Variants in CHD4 observed in about 807,000 individuals in gnomAD.
CHD4 encodes the protein ATP-dependent chromatin remodeler CHD4.
A neutral mutation model predicts 235.5 loss-of-function variants in CHD4; 35 were observed. The ratio of observed to expected loss-of-function variants is 0.15; its 90% CI spans 0.11 to 0.20. CHD4 has a LOEUF of 0.20. Ranked by LOEUF, CHD4 falls within the 10% of genes least tolerant of loss-of-function variation. CHD4 has a pLI of 1.00. For missense variants in CHD4, 1,329 were observed against 2,432.3 expected (o/e 0.55, Z 9.54); for synonymous variants, 900 against 850.2 (o/e 1.06, Z -1.02).
intron 29 of CHD4, 21 bp downstream of exon 29, chr12:6,582,594 C>T: frequency 6.3e-7 from 1 of 1,598,906 alleles, no homozygotes; most frequent in Non-Finnish European, 8.5e-7. Context: ...CTAGATCAGT[C>T]CACTCCAGCC....
intron 17 of CHD4, 102 bp from the exon 18 acceptor site, chr12:6,592,919 A>G: frequency 6.6e-7 from 1 of 1,518,194 alleles, no homozygotes; most frequent in Non-Finnish European, 8.9e-7. Flanking sequence ...TAAGCATCCC[A>G]CTCCTCACAT....
intron 38 of CHD4, chr12:6,571,964 AAAAC>A (rs904434452): frequency 1.3e-5 from 2 of 152,514 alleles, no homozygotes; most frequent in South Asian, 2.1e-4. Flanking sequence ...TCCATCTCAA[AAAAC>A]AAACAAAAAA....
intron 3 of CHD4, 32 bp downstream of exon 3, chr12:6,602,344 T>C: frequency 1.2e-6 from 2 of 1,611,172 alleles, no homozygotes; most frequent in Non-Finnish European, 1.7e-6. Flanking sequence ...CTTCTTCCTC[T>C]GATTCCCCGT....
At chr12:6,581,918 T>A (rs1948200090) in intron 30 of CHD4, 104 bp from the exon 31 acceptor site, 2 of 1,379,132 alleles carry the variant, frequency 1.5e-6, no homozygotes, top group Non-Finnish European at 9.7e-7. Flanking sequence ...TTCTCCTGCC[T>A]CAGCCTTCTG....
chr12:6,581,220 C>A (rs780033123), intron 32 of CHD4, 47 bp from the exon 33 acceptor site: 2 of 1,612,664 alleles, frequency 1.2e-6, no homozygotes, highest in Non-Finnish European at 1.7e-6. Context: ...AGCAGACAGG[C>A]CAGCAACTAA....
Position 6,598,017 on chromosome 12 carries a change from C to A in CHD4, c.1769G>T (p.Gly590Val). The A allele has an allele frequency of 6.2e-7, 1 of 1,614,214 alleles. No individual in the cohort carries two copies. Among genetic ancestry groups the A allele is most frequent in the South Asian group, 1.1e-5 (1 of 91,082 alleles). Residue 590 changes from glycine (G) to valine (V), a missense_variant, in exon 12 of 40, where the codon GGT becomes GTT. Gly to Val is a moderately radical substitution (Grantham distance 109, BLOSUM62 -3). This residue lies in a region of CHD4 where 121 missense variants were observed against 177.8 expected (regional missense o/e 0.68). Transcript: ENST00000544040. Reference protein sequence around the residue: ...MDEPPSGDFGGDEEKSRKRKN... With the variant: ...MDEPPSGDFGVDEEKSRKRKN... ...TCGCTTTCGGCTTTTCTCTTCATCACCACCAAAGTCCCCAGAAGGTGGCTC... is the reference window on the plus strand; with the variant it reads ...TCGCTTTCGGCTTTTCTCTTCATCAACACCAAAGTCCCCAGAAGGTGGCTC...
chr12:6,606,185 G>A lies in CHD4; in HGVS notation c.100+89C>T, dbSNP rs78578768. On this transcript the variant is annotated intron_variant, in intron 2 of 39. Transcript: ENST00000544040. Reference sequence around the variant, plus strand: ...CCTCCGGCTCTGCACAGAGACAGCGGAGCAACACAGCCCTGCCTCACCAGA... The same window carrying A: ...CCTCCGGCTCTGCACAGAGACAGCGAAGCAACACAGCCCTGCCTCACCAGA... 766 of 871,892 alleles carry A rather than the reference G, an allele frequency of 8.8e-4. 6 individuals carry two copies. The African/African-American group carries it at 0.012, about 14-fold the overall frequency. The allele number at this position is 871,892 out of a possible 1,614,324, so 54.0% of individuals were successfully genotyped here.
intron 31 of CHD4, 37 bp from the exon 32 acceptor site, chr12:6,581,425 G>A (rs746346870): frequency 1.9e-6 from 3 of 1,592,816 alleles, no homozygotes; most frequent in Non-Finnish European, 2.6e-6. Context: ...TAGGAAGAAG[G>A]TACTAGATCA....
intron 37 of CHD4, among the ~76,000 whole-genome samples, chr12:6,575,934 C>T (rs941469268): frequency 6.6e-6 from 1 of 152,170 alleles, no homozygotes; most frequent in Non-Finnish European, 1.5e-5. Context: ...GTTCAGATAC[C>T]CTTCTGTTTC....
At chr12:6,600,805 T>C (rs1049330586) in intron 7 of CHD4, 121 bp downstream of exon 7, 9 of 1,507,838 alleles carry the variant, frequency 6.0e-6, no homozygotes, top group South Asian at 1.3e-5. Context: ...AGTCTCATCT[T>C]GTTCTGTGGG....
In CHD4 at chr12:6,591,675, C is replaced by T; in HGVS notation, c.3222+19G>A. The stretch of plus-strand genomic sequence containing the variant: ...GGTTGTCTATGACTGTTCCCTAAAG[C>T]TCCCAGTCCACATGATACCTGGGAA... On this transcript the variant is annotated intron_variant, in intron 21 of 39. Transcript: ENST00000544040. 6.2e-7 allele frequency: 1 copy of T among 1,614,170 alleles called. No homozygotes were observed.
intron 34 of CHD4, 73 bp from the exon 35 acceptor site, chr12:6,578,619 T>C (rs1407899557): frequency 1.3e-6 from 2 of 1,598,294 alleles, no homozygotes; most frequent in African/African-American, 1.3e-5. Flanking sequence ...CAGAACACTG[T>C]ATGCTACAAG....
chr12:6,591,252 T>G (rs1173862879), intron 22 of CHD4: 1 of 512,734 alleles, frequency 2.0e-6, no homozygotes, highest in Non-Finnish European at 3.4e-6. Context: ...CAATGCTTTC[T>G]TCTTTCTAGC....
chr12:6,570,385 AACAGTTTGTGTG>A lies in CHD4; in HGVS notation c.*279_*290del, dbSNP rs1454380601. On this transcript the variant is annotated 3_prime_UTR_variant, in exon 40 of 40. Coordinates refer to ENST00000544040, the MANE Select transcript of CHD4 (RefSeq NM_001273.5). The stretch of plus-strand genomic sequence containing the variant: ...TTCTTCAAGCCTGGCAGGAACCCAC[AACAGTTTGTGTG>A]TAACAGGCGTTACAGTGGGGAGAAG... 3 of 459,384 alleles carry A rather than the reference AACAGTTTGTGTG, an allele frequency of 6.5e-6. No homozygotes were observed. The highest frequency in any genetic ancestry group is 7.7e-6 in the Non-Finnish European group (2 of 258,206). 28.5% of individuals were successfully genotyped at this position (459,384 alleles called of 1,614,324 possible).
In CHD4 at chr12:6,601,779, C is replaced by T; in HGVS notation, c.439-13G>A. The T allele has an allele frequency of 1.9e-6, 3 of 1,610,762 alleles. No homozygotes were observed. Among genetic ancestry groups the T allele is most frequent in the Non-Finnish European group, 2.5e-6 (3 of 1,177,070 alleles). On this transcript the variant is annotated splice_polypyrimidine_tract_variant and intron_variant, in intron 4 of 39. Coordinates refer to ENST00000544040, the MANE Select transcript of CHD4 (RefSeq NM_001273.5). The stretch of plus-strand genomic sequence containing the variant: ...ATGATTTAGGCTCCTGCAGAAAGAG[C>T]AAAGTCAAGTAAGTACCTGCCACCT...
intron 24 of CHD4, 35 bp from the exon 25 acceptor site, chr12:6,587,594 A>T (rs375847740): frequency 1.2e-6 from 2 of 1,611,268 alleles, no homozygotes; most frequent in Non-Finnish European, 1.7e-6. Context: ...CCCCAAAGTC[A>T]GTTTCAGCAG....
chr12:6,597,300 T>G (rs558140608), intron 12 of CHD4, among the ~76,000 whole-genome samples: 2 of 149,446 alleles, frequency 1.3e-5, no homozygotes, highest in Admixed American at 1.3e-4. Context: ...AATAAATAAA[T>G]AAAGATAATA....
intron 13 of CHD4, 70 bp from the exon 14 acceptor site, chr12:6,595,500 A>C: frequency 7.5e-7 from 1 of 1,325,332 alleles, no homozygotes; most frequent in Non-Finnish European, 1.1e-6. Flanking sequence ...GGCCAGGCAC[A>C]GTGGCTCACA....
At chr12:6,571,150 C>CT in intron 38 of CHD4, 118 bp from the exon 39 acceptor site, 1 of 1,204,920 alleles carries the variant, frequency 8.3e-7, no homozygotes. Flanking sequence ...GTATTGTCTT[C>CT]TGTCATCTGA....
Sources: gnomAD v4.1 joint callset for allele counts (sites outside exome capture counted in the v4.1 genomes callset) on GRCh38, gnomAD v4.1.1 for gene constraint, gnomAD v4.1.1 regional missense constraint, MANE v1.5 for transcripts, NCBI Gene and HGNC (gene_info 2026-07-23, HGNC 2026-07-21) for gene names.